AEBP1: variants seen among roughly 807,000 people sequenced by gnomAD.
AEBP1 encodes the protein AE binding protein 1, also known as adipocyte enhancer-binding protein 1.
A neutral mutation model predicts 116.5 loss-of-function variants in AEBP1; 69 were observed. The ratio of observed to expected loss-of-function variants is 0.59; its 90% CI spans 0.49 to 0.72. The LOEUF (loss-of-function observed/expected upper bound fraction) is 0.72, where lower values mean the gene tolerates loss of function less well. Ranked by LOEUF, AEBP1 falls within the 30% of genes least tolerant of loss-of-function variation. The pLI, the probability that AEBP1 is intolerant of heterozygous loss-of-function variation, is 0.00. For missense variants in AEBP1, 1,444 were observed against 1,557.5 expected (o/e 0.93, Z 1.23); for synonymous variants, 627 against 627.3 (o/e 1.00, Z 0.01).
At position 44,112,516 on chromosome 7, in the gene AEBP1, C is replaced by T. The variant is rs752036186; in HGVS notation, c.2218-42C>T. On this transcript the variant is annotated intron_variant, in intron 17 of 20. Coordinates refer to ENST00000223357, the MANE Select transcript of AEBP1 (RefSeq NM_001129.5). This position sits in a 1 kb window ranked among gnomAD's most constrained non-coding sequence, Gnocchi z 6.6. ...GATCGGGCTAGGTTGGGGATAGTGG[C>T]CGGAGCTGCAGCCCTGGCCTCACAC... 3.7e-6 allele frequency: 5 copies of T among 1,367,962 alleles called. No individual in the cohort carries two copies. The South Asian group carries it at 5.4e-5, about 15-fold the overall frequency. The allele number at this position is 1,367,962 out of a possible 1,614,324, so 84.7% of individuals were successfully genotyped here.
intron 7 of AEBP1, 40 bp from the exon 8 acceptor site, chr7:44,109,067 G>C (rs1307384627): frequency 1.2e-6 from 2 of 1,612,806 alleles, no homozygotes; most frequent in African/African-American, 1.3e-5. Flanking sequence ...TCAAAGCCCA[G>C]AGCCAGGCTG....
rs1301559060 is a variant in AEBP1 at position 44,107,890 on chromosome 7, C to T, written c.821C>T (p.Pro274Leu). ...RRPERVWPEP[P>L]EEKAPAPAPE... ...CCCGAGCGGGTCTGGCCAGAGCCCC[C>T]TGAGGAGAAGGCCCCGGCCCCAGCC... Residue 274 changes from proline to leucine, a missense_variant, in exon 5 of 21, where the codon CCT becomes CTT. Transcript: ENST00000223357. This position sits in a 1 kb window ranked among gnomAD's most constrained non-coding sequence, Gnocchi z 4.3. 1.3e-6 allele frequency: 2 copies of T among 1,599,876 alleles called. No individual in the cohort carries two copies. The highest frequency in any genetic ancestry group is 1.7e-6 in the Non-Finnish European group (2 of 1,174,070).
Position 44,112,438 on chromosome 7 carries a change from G to T in AEBP1, c.2217+117G>T. ...TGAACTCCAGACGCTGAGGCTCTGGGGGTTGGGGGACAGGGGATCGTGCGA... is the reference window on the plus strand; with the variant it reads ...TGAACTCCAGACGCTGAGGCTCTGGTGGTTGGGGGACAGGGGATCGTGCGA... On this transcript the variant is annotated intron_variant, in intron 17 of 20. Transcript: ENST00000223357. The surrounding 1 kb of genome is among the most constrained non-coding windows in gnomAD (Gnocchi z 6.6). 5 of 1,394,758 alleles carry T rather than the reference G, an allele frequency of 3.6e-6. No individual in the cohort carries two copies. The highest frequency in any genetic ancestry group is 4.8e-6 in the Non-Finnish European group (5 of 1,034,976). 86.4% of individuals were successfully genotyped at this position (1,394,758 alleles called of 1,614,324 possible). A position where few individuals can be genotyped will look rare whatever the true frequency, so the allele number is the denominator to read the frequency against.
At position 44,107,740 on chromosome 7, in the gene AEBP1, T is replaced by C. The variant is rs779461143; in HGVS notation, c.739+40T>C. 6.8e-6 allele frequency: 11 copies of C among 1,613,110 alleles called. No individual in the cohort carries two copies. The highest frequency in any genetic ancestry group is 9.3e-6 in the Non-Finnish European group (11 of 1,179,852). ...GCCAGCCCCACCTGGGTCGGACCCC[T>C]GGCCTGGGGGATGTGCCAATGGGCC... On this transcript the variant is annotated intron_variant, in intron 4 of 20. Coordinates refer to ENST00000223357, the MANE Select transcript of AEBP1 (RefSeq NM_001129.5). This position sits in a 1 kb window ranked among gnomAD's most constrained non-coding sequence, Gnocchi z 4.3.
Position 44,104,472 on chromosome 7 carries a change from C to A in AEBP1, c.-194C>A. On this transcript the variant is annotated 5_prime_UTR_variant, in exon 1 of 21. Coordinates refer to ENST00000223357, the MANE Select transcript of AEBP1 (RefSeq NM_001129.5). ...CCTCTGGCTTCGGAGCCCCCCAGCACCCCTTCCCGGGTCCCCTCGCCCACC... is the reference window on the plus strand; with the variant it reads ...CCTCTGGCTTCGGAGCCCCCCAGCAACCCTTCCCGGGTCCCCTCGCCCACC... The A allele has an allele frequency of 2.2e-6, 1 of 458,454 alleles. No homozygotes were observed. Among genetic ancestry groups the A allele is most frequent in the Non-Finnish European group, 3.8e-6 (1 of 265,014 alleles). 28.4% of individuals were successfully genotyped at this position (458,454 alleles called of 1,614,324 possible).
chr7:44,108,810 G>T lies in AEBP1; in HGVS notation c.941-89G>T. The T allele has an allele frequency of 8.2e-7, 1 of 1,217,808 alleles. No homozygotes were observed. Among genetic ancestry groups the T allele is most frequent in the Non-Finnish European group, 1.2e-6 (1 of 851,572 alleles). 75.4% of individuals were successfully genotyped at this position (1,217,808 alleles called of 1,614,324 possible). A position where few individuals can be genotyped will look rare whatever the true frequency, so the allele number is the denominator to read the frequency against. On this transcript the variant is annotated intron_variant, in intron 6 of 20. Coordinates refer to ENST00000223357, the MANE Select transcript of AEBP1 (RefSeq NM_001129.5). This position sits in a 1 kb window ranked among gnomAD's most constrained non-coding sequence, Gnocchi z 5.0. ...CTCCCGTCCTCCTCCCCTCTGGCGC[G>T]GTCCTGTCCTGCTGAGCTCCTGTGG...
Position 44,114,521 on chromosome 7 carries a change from G to T in AEBP1, c.*260G>T. On this transcript the variant is annotated 3_prime_UTR_variant, in exon 21 of 21. Coordinates refer to ENST00000223357, the MANE Select transcript of AEBP1 (RefSeq NM_001129.5). Reference sequence around the variant, plus strand: ...TGCAGTGTTGGAGTAGGGGCAGAGGGAGGGAGCCAAGGTCACTCCAATAAA... The same window carrying T: ...TGCAGTGTTGGAGTAGGGGCAGAGGTAGGGAGCCAAGGTCACTCCAATAAA... 1.6e-6 allele frequency: 1 copy of T among 619,614 alleles called. No individual in the cohort carries two copies. Among genetic ancestry groups the T allele is most frequent in the Non-Finnish European group, 2.8e-6 (1 of 356,400 alleles). 38.4% of individuals were successfully genotyped at this position (619,614 alleles called of 1,614,324 possible).
Position 44,114,042 on chromosome 7 carries a change from C to CACAGAGGTGGTGACAGAGTTTGGG in AEBP1, c.3261_3284dup (p.Val1090_Val1097dup). On this transcript the variant is annotated inframe_insertion, in exon 21 of 21. Transcript: ENST00000223357. Reference sequence around the variant, plus strand: ...GGGAGGAGTCGGAGACTGAGACCTACACAGAGGTGGTGACAGAGTTTGGGA... The same window carrying CACAGAGGTGGTGACAGAGTTTGGG: ...GGGAGGAGTCGGAGACTGAGACCTACACAGAGGTGGTGACAGAGTTTGGGACAGAGGTGGTGACAGAGTTTGGGA... The CACAGAGGTGGTGACAGAGTTTGGG allele has an allele frequency of 6.2e-7, 1 of 1,613,944 alleles. No homozygotes were observed. Among genetic ancestry groups the CACAGAGGTGGTGACAGAGTTTGGG allele is most frequent in the Non-Finnish European group, 8.5e-7 (1 of 1,180,012 alleles).
chr7:44,112,982 C>A lies in AEBP1; in HGVS notation c.2570-9C>A. ...GGCTGACTTTGGGTCTGTATCTGTC[C>A]CCGGCCAGCTATCAATGACTTCAGT... On this transcript the variant is annotated splice_polypyrimidine_tract_variant and intron_variant, in intron 18 of 20. Transcript: ENST00000223357. This position sits in a 1 kb window ranked among gnomAD's most constrained non-coding sequence, Gnocchi z 6.6. 1.2e-6 allele frequency: 2 copies of A among 1,613,840 alleles called. No homozygotes were observed. The highest frequency in any genetic ancestry group is 1.7e-6 in the Non-Finnish European group (2 of 1,179,928).
Position 44,111,749 on chromosome 7 carries a change from C to A in AEBP1, c.1841-105C>A. The A allele has an allele frequency of 1.3e-6, 2 of 1,532,640 alleles. No individual in the cohort carries two copies. The highest frequency in any genetic ancestry group is 1.2e-5 in the South Asian group (1 of 81,690). The allele number at this position is 1,532,640 out of a possible 1,614,324, so 94.9% of individuals were successfully genotyped here. ...GCTTGTCTTACAGGGCCCTAGGAGCCCCAGCTGTCCCCCAGACCCTCGGGT... is the reference window on the plus strand; with the variant it reads ...GCTTGTCTTACAGGGCCCTAGGAGCACCAGCTGTCCCCCAGACCCTCGGGT... On this transcript the variant is annotated intron_variant, in intron 15 of 20. Coordinates refer to ENST00000223357, the MANE Select transcript of AEBP1 (RefSeq NM_001129.5). This position sits in a 1 kb window ranked among gnomAD's most constrained non-coding sequence, Gnocchi z 4.7.
intron 1 of AEBP1, among the ~76,000 whole-genome samples, chr7:44,105,228 G>A (rs1344977047): frequency 6.6e-6 from 1 of 152,206 alleles, no homozygotes; most frequent in Non-Finnish European, 1.5e-5. Context: ...TTGAGCCACA[G>A]GGGACTGTGC....
At chr7:44,109,933 G>A (rs1562686428) in intron 9 of AEBP1, 82 bp from the exon 10 acceptor site, 1 of 1,281,762 alleles carries the variant, frequency 7.8e-7, no homozygotes, top group East Asian at 2.5e-5. Flanking sequence ...TGCCGGGAGT[G>A]GGCTCTGGGC....
Position 44,104,547 on chromosome 7 carries a change from C to A in AEBP1, c.-119C>A. 1.5e-6 allele frequency: 1 copy of A among 651,648 alleles called. No individual in the cohort carries two copies. Among genetic ancestry groups the A allele is most frequent in the Non-Finnish European group, 2.4e-6 (1 of 420,108 alleles). 40.4% of individuals were successfully genotyped at this position (651,648 alleles called of 1,614,324 possible). On this transcript the variant is annotated 5_prime_UTR_variant, in exon 1 of 21. Transcript: ENST00000223357. ...CGGATTCCCTCGCTCACCCCATCCT[C>A]TCTCCCGCCCCTTCCTGGATTCCCT... is the stretch of plus-strand genomic sequence containing the variant.
In AEBP1 at chr7:44,113,240, C is replaced by T; in HGVS notation, c.2710-12C>T. ...CTTCCTGAGGACCAGCAGCCCTCAC[C>T]TGCTTCCCTAGGTGCACCGCGGCAT... is the stretch of plus-strand genomic sequence containing the variant. On this transcript the variant is annotated splice_polypyrimidine_tract_variant and intron_variant, in intron 19 of 20. Transcript: ENST00000223357. The surrounding 1 kb of genome is among the most constrained non-coding windows in gnomAD (Gnocchi z 5.3). The T allele has an allele frequency of 6.2e-7, 1 of 1,613,662 alleles. No individual in the cohort carries two copies. The highest frequency in any genetic ancestry group is 8.5e-7 in the Non-Finnish European group (1 of 1,179,842).
Position 44,107,720 on chromosome 7 carries a change from C to A in AEBP1, c.739+20C>A. 1.2e-6 allele frequency: 2 copies of A among 1,613,360 alleles called. No individual in the cohort carries two copies. The highest frequency in any genetic ancestry group is 1.7e-6 in the Non-Finnish European group (2 of 1,179,888). On this transcript the variant is annotated intron_variant, in intron 4 of 20. Coordinates refer to ENST00000223357, the MANE Select transcript of AEBP1 (RefSeq NM_001129.5). This position sits in a 1 kb window ranked among gnomAD's most constrained non-coding sequence, Gnocchi z 4.3. ...AGGACTGTGAGTAGGGTCCTGCCAG[C>A]CCCACCTGGGTCGGACCCCTGGCCT...
In AEBP1 at chr7:44,113,869, C is replaced by T. The variant is rs2096233227; in HGVS notation, c.3085C>T (p.Leu1029Phe). Residue 1029 changes from leucine to phenylalanine, a missense_variant, in exon 21 of 21, where the codon CTT becomes TTT. By Grantham distance (22) the Leu-to-Phe change is conservative. Coordinates refer to ENST00000223357, the MANE Select transcript of AEBP1 (RefSeq NM_001129.5). This position sits in a 1 kb window ranked among gnomAD's most constrained non-coding sequence, Gnocchi z 5.3. ...GCGACGCCTACAACACCGCCTGCGG[C>T]TTCGGGCACAGATGCGGCTGCGGCG... ...QQRRLQHRLR[L>F]RAQMRLRRLN... 1 of 1,613,616 alleles carries T rather than the reference C, an allele frequency of 6.2e-7. No homozygotes were observed. The highest frequency in any genetic ancestry group is 1.3e-5 in the African/African-American group (1 of 74,932).
Position 44,107,516 on chromosome 7 carries a change from T to G in AEBP1, c.667+6T>G. The G allele has an allele frequency of 6.2e-7, 1 of 1,613,286 alleles. No individual in the cohort carries two copies. The highest frequency in any genetic ancestry group is 1.3e-5 in the African/African-American group (1 of 74,986). ...GGCACGGGAGCACCAGCCTGGTGAGTGGCCGTCATCCGCCTGGCCTTGGGG... is the reference window on the plus strand; with the variant it reads ...GGCACGGGAGCACCAGCCTGGTGAGGGGCCGTCATCCGCCTGGCCTTGGGG... On this transcript the variant is annotated splice_donor_region_variant and intron_variant, in intron 3 of 20. Coordinates refer to ENST00000223357, the MANE Select transcript of AEBP1 (RefSeq NM_001129.5). This position sits in a 1 kb window ranked among gnomAD's most constrained non-coding sequence, Gnocchi z 4.3.
At position 44,111,989 on chromosome 7, in the gene AEBP1, A is replaced by T. The variant is rs374944511; in HGVS notation, c.1976A>T (p.Asp659Val). The T allele has an allele frequency of 1.9e-6, 3 of 1,613,688 alleles. No homozygotes were observed. The African/African-American group carries it at 4.0e-5, about 22-fold the overall frequency. The change falls in exon 16 of 21, where the codon GAC becomes GTC. Residue 659 changes from aspartate to valine, a missense_variant. Asp to Val is a radical substitution (Grantham distance 152). Transcript: ENST00000223357. This position sits in a 1 kb window ranked among gnomAD's most constrained non-coding sequence, Gnocchi z 4.7. ...CCACGTGTGCGCAGCCTGGTGCAGG[A>T]CACACGCATCCACCTGGTGCCCTCA... ...GNPRVRSLVQDTRIHLVPSLN... is the reference protein window; with the variant it reads ...GNPRVRSLVQVTRIHLVPSLN...
chr7:44,109,605 G>T, intron 9 of AEBP1: 1 of 587,532 alleles, frequency 1.7e-6, no homozygotes, highest in South Asian at 2.1e-5. Context: ...GGAGGACCTG[G>T]GGCCTTGGTG....
Sources: allele counts gnomAD v4.1 joint callset (sites outside exome capture counted in the v4.1 genomes callset), GRCh38; gene constraint gnomAD v4.1.1; non-coding constraint Gnocchi (gnomAD v3.1); transcripts MANE v1.5; gene names NCBI Gene and HGNC (gene_info 2026-07-23, HGNC 2026-07-21).